The following KSR1 variants were observed in gnomAD, a reference collection of about 807,000 sequenced individuals.
KSR1 encodes the protein kinase suppressor of ras 1.
KSR1 carries 35 observed loss-of-function variants against 92.9 expected under a neutral mutation model. The observed-to-expected ratio is 0.38, with a 90% CI of 0.29 to 0.50. The LOEUF (loss-of-function observed/expected upper bound fraction) is 0.50, where lower values mean the gene tolerates loss of function less well. KSR1 is among the 20% of genes least tolerant of loss of function. The pLI, the probability that KSR1 is intolerant of heterozygous loss-of-function variation, is 0.94. For synonymous variants in KSR1, 467 were observed against 472.6 expected, an observed-to-expected ratio of 0.99 and a Z score of 0.15; for missense variants, 972 against 1,158.5, an observed-to-expected ratio of 0.84 and a Z score of 2.34.
chr17:27,605,862 C>T, intron 14 of KSR1, 49 bp downstream of exon 14: 2 of 1,602,464 alleles, frequency 1.2e-6, no homozygotes, highest in Non-Finnish European at 1.7e-6. Flanking sequence ...CAGCCTCCCC[C>T]TTCCCAGGGA....
intron 7 of KSR1, 61 bp from the exon 8 acceptor site, chr17:27,592,300 C>G (rs1439225064): frequency 2.2e-6 from 3 of 1,356,492 alleles, no homozygotes; most frequent in Non-Finnish European, 3.2e-6. Context: ...ACAGAGCTAC[C>G]CCTGTGTGCC....
At chr17:27,502,275 C>T (rs926475815) in intron 1 of KSR1, among the ~76,000 whole-genome samples, 1 of 152,188 alleles carries the variant, frequency 6.6e-6, no homozygotes, top group Admixed American at 6.5e-5. Context: ...CTCGACCATC[C>T]TGAGGCTTGT....
intron 1 of KSR1, among the ~76,000 whole-genome samples, chr17:27,530,911 C>T (rs1030936454): frequency 1.3e-5 from 2 of 152,146 alleles, no homozygotes; most frequent in African/African-American, 4.8e-5. Context: ...AAAAAACTTC[C>T]TATGTTTTTG....
At chr17:27,613,729 C>A (rs1317106294) in intron 18 of KSR1, among the ~76,000 whole-genome samples, 2 of 152,220 alleles carry the variant, frequency 1.3e-5, no homozygotes, top group Non-Finnish European at 2.9e-5. Flanking sequence ...GTTTTGGGCT[C>A]CTGGCTGTGG....
intron 1 of KSR1, among the ~76,000 whole-genome samples, chr17:27,532,629 C>T (rs777084007): frequency 2.0e-5 from 3 of 152,138 alleles, no homozygotes; most frequent in Non-Finnish European, 4.4e-5. Flanking sequence ...GCGGGTGGGA[C>T]GGGGTAGGAT....
At chr17:27,463,159 T>G (rs2019528142) in intron 1 of KSR1, among the ~76,000 whole-genome samples, 1 of 152,216 alleles carries the variant, frequency 6.6e-6, no homozygotes, top group Non-Finnish European at 1.5e-5. Context: ...ATGGCAGCCT[T>G]CATACATTTA....
chr17:27,580,379 G>T (rs2072704172), intron 3 of KSR1, among the ~76,000 whole-genome samples: 1 of 152,192 alleles, frequency 6.6e-6, no homozygotes, highest in Admixed American at 6.5e-5. Flanking sequence ...AGTCACTGCA[G>T]TCAGGTGGGA....
chr17:27,609,910 T>C, intron 16 of KSR1, 157 bp from the exon 17 acceptor site: 1 of 823,726 alleles, frequency 1.2e-6, no homozygotes, highest in Non-Finnish European at 1.9e-6. Flanking sequence ...AAAGCACCGG[T>C]GCCTTTCCCA....
intron 1 of KSR1, among the ~76,000 whole-genome samples, chr17:27,516,277 T>G (rs1392339435): frequency 6.6e-6 from 1 of 152,218 alleles, no homozygotes; most frequent in Non-Finnish European, 1.5e-5. Flanking sequence ...GTGCCTAGCA[T>G]GTAGTAAATG....
In KSR1 at chr17:27,604,626, G is replaced by C. The variant is rs981745283; in HGVS notation, c.1566-54G>C. The C allele has an allele frequency of 6.5e-6, 10 of 1,545,762 alleles. No homozygotes were observed. In the Admixed American group the frequency reaches 1.7e-4, roughly 26 times the overall value. ...TCTCTCCCGGGAGTCCCCGCTAGCT[G>C]AGAGCAGAGCGGTGTTCCTCAAGGT... On this transcript the variant is annotated intron_variant, in intron 12 of 20. Coordinates refer to ENST00000644974, the MANE Select transcript of KSR1 (RefSeq NM_001394583.1).
chr17:27,556,797 A>G (rs943855392), intron 2 of KSR1, among the ~76,000 whole-genome samples: 4 of 152,202 alleles, frequency 2.6e-5, no homozygotes, highest in African/African-American at 9.6e-5. Context: ...TGCCTCAGGA[A>G]TCCCTCTAGG....
chr17:27,562,139 C>A (rs1160696787), intron 2 of KSR1, among the ~76,000 whole-genome samples: 1 of 152,192 alleles, frequency 6.6e-6, no homozygotes, highest in East Asian at 1.9e-4. Context: ...AGCCACCAGG[C>A]CCGGCCTTGC....
At chr17:27,457,624 A>G (rs527352164) in intron 1 of KSR1, among the ~76,000 whole-genome samples, 1 of 152,294 alleles carries the variant, frequency 6.6e-6, no homozygotes, top group African/African-American at 2.4e-5. Flanking sequence ...GAAATAAGAT[A>G]TGCGGGCCTT....
chr17:27,514,938 T>C (rs1191315163), intron 1 of KSR1, among the ~76,000 whole-genome samples: 3 of 152,206 alleles, frequency 2.0e-5, no homozygotes, highest in Non-Finnish European at 4.4e-5. Flanking sequence ...TACCAAGCAA[T>C]AGGCTTTCCC....
intron 10 of KSR1, among the ~76,000 whole-genome samples, chr17:27,600,970 G>A (rs540721083): frequency 1.3e-5 from 2 of 152,312 alleles, no homozygotes; most frequent in East Asian, 3.9e-4. Context: ...ACACTCTGGA[G>A]GTACAGGTGG....
chr17:27,599,073 A>G (rs1169870174), intron 10 of KSR1, among the ~76,000 whole-genome samples: 2 of 152,236 alleles, frequency 1.3e-5, no homozygotes, highest in African/African-American at 2.4e-5. Flanking sequence ...CATAGAGCGC[A>G]CTTACGTAAA....
chr17:27,470,491 C>T (rs1297433485), intron 1 of KSR1, among the ~76,000 whole-genome samples: 6 of 152,102 alleles, frequency 3.9e-5, no homozygotes, highest in African/African-American at 1.4e-4. Flanking sequence ...CCACCCACCT[C>T]GGCCTCCCAA....
intron 1 of KSR1, among the ~76,000 whole-genome samples, chr17:27,547,134 A>AG (rs2071208692): frequency 6.6e-6 from 1 of 152,216 alleles, no homozygotes; most frequent in African/African-American, 2.4e-5. Context: ...GGGCCATGGG[A>AG]GAGGGGTAAG....
At chr17:27,494,172 G>A (rs1444365833) in intron 1 of KSR1, among the ~76,000 whole-genome samples, 1 of 152,076 alleles carries the variant, frequency 6.6e-6, no homozygotes, top group African/African-American at 2.4e-5. Context: ...ATTACAAAGA[G>A]CTTCCAGGAA....
Sources: gnomAD v4.1 joint callset for allele counts (sites outside exome capture counted in the v4.1 genomes callset) on GRCh38, gnomAD v4.1.1 for gene constraint, MANE v1.5 for transcripts, NCBI Gene and HGNC (gene_info 2026-07-23, HGNC 2026-07-21) for gene names.